The following PLSCR2 variants were observed in gnomAD, a reference collection of about 807,000 sequenced individuals.
PLSCR2 encodes the protein PL scramblase 2.
A neutral mutation model predicts 25.3 loss-of-function variants in PLSCR2; 18 were observed. That is an observed-to-expected ratio of 0.71 (90% confidence interval 0.49 to 1.06). The LOEUF is 1.06. Among genes scored for constraint, PLSCR2 ranks in the 50% least tolerant of loss-of-function variants. The pLI, the probability that PLSCR2 is intolerant of heterozygous loss-of-function variation, is 0.00. For synonymous variants in PLSCR2, 88 were observed against 87.3 expected (o/e 1.01, Z -0.04); for missense variants, 243 against 269.5 (o/e 0.90, Z 0.69).
At chr3:146,455,209 T>C (rs756531824) in intron 4 of PLSCR2, 30 bp downstream of exon 4, 31 of 1,448,206 alleles carry the variant, frequency 2.1e-5, no homozygotes, top group Admixed American at 2.0e-4. Flanking sequence ...TGAACTACTT[T>C]ATGAAAAGCT....
intron 1 of PLSCR2, among the ~76,000 whole-genome samples, chr3:146,477,461 C>T (rs945314810): frequency 6.6e-6 from 1 of 152,240 alleles, no homozygotes; most frequent in Non-Finnish European, 1.5e-5. Flanking sequence ...ACGTCCCACA[C>T]CCATGGAGCC....
chr3:146,416,832 G>C (rs1238929547), intron 2 of PLSCR2, among the ~76,000 whole-genome samples: 1 of 152,112 alleles, frequency 6.6e-6, no homozygotes, highest in South Asian at 2.1e-4. Context: ...GGAATTTTAG[G>C]AGTACAAGTA....
At chr3:146,420,585 A>G (rs1019868025) in intron 2 of PLSCR2, among the ~76,000 whole-genome samples, 1 of 152,068 alleles carries the variant, frequency 6.6e-6, no homozygotes, top group African/African-American at 2.4e-5. Flanking sequence ...TTCTCAAAGA[A>G]TCTCAACTTT....
At chr3:146,471,255 A>C (rs182100064) in intron 1 of PLSCR2, among the ~76,000 whole-genome samples, 1 of 152,300 alleles carries the variant, frequency 6.6e-6, no homozygotes, top group Admixed American at 6.5e-5. Flanking sequence ...AATAAAAAAA[A>C]CATTTTATTC....
intron 5 of PLSCR2, among the ~76,000 whole-genome samples, chr3:146,453,385 A>T (rs1346746779): frequency 2.0e-5 from 3 of 152,146 alleles, no homozygotes; most frequent in Admixed American, 2.0e-4. Flanking sequence ...CAACTAAATG[A>T]TTTGATTATA....
chr3:146,481,553 C>T (rs1344046365), intron 1 of PLSCR2, among the ~76,000 whole-genome samples: 1 of 152,162 alleles, frequency 6.6e-6, no homozygotes, highest in African/African-American at 2.4e-5. Context: ...AGGAGAACTA[C>T]AAACCACTGC....
chr3:146,470,589 CAT>C (rs759087821), intron 1 of PLSCR2, among the ~76,000 whole-genome samples: 28 of 152,050 alleles, frequency 1.8e-4, no homozygotes, highest in Non-Finnish European at 3.7e-4. Flanking sequence ...ACAATAACAC[CAT>C]ATATGGAGAA....
chr3:146,469,223 C>T (rs2042004539), intron 1 of PLSCR2: 1 of 985,608 alleles, frequency 1.0e-6, no homozygotes, highest in Non-Finnish European at 1.2e-6. Flanking sequence ...ACCTGTAAAG[C>T]AGTGTAGCTA....
chr3:146,400,578 A>T (rs1219161936), intron 2 of PLSCR2, among the ~76,000 whole-genome samples: 5 of 149,208 alleles, frequency 3.4e-5, no homozygotes, highest in Admixed American at 1.4e-4. Context: ...CATTGATTAA[A>T]TACCATCAAT....
intron 2 of PLSCR2, among the ~76,000 whole-genome samples, chr3:146,410,306 G>A (rs1483001319): frequency 6.6e-6 from 1 of 152,166 alleles, no homozygotes; most frequent in Non-Finnish European, 1.5e-5. Flanking sequence ...TCCTTACACA[G>A]TGTTCTATTT....
chr3:146,439,526 A>T (rs1443593626), downstream of PLSCR2, among the ~76,000 whole-genome samples: 1 of 151,688 alleles, frequency 6.6e-6, no homozygotes. Flanking sequence ...CATTCATTTG[A>T]TCTTCAATCA....
chr3:146,463,355 C>T (rs908763612), upstream of PLSCR2, among the ~76,000 whole-genome samples: 1 of 151,932 alleles, frequency 6.6e-6, no homozygotes, highest in Non-Finnish European at 1.5e-5. Context: ...TTTTTTTTGT[C>T]CATGTTAGCC....
intron 1 of PLSCR2, among the ~76,000 whole-genome samples, chr3:146,472,446 A>C (rs2042150025): frequency 6.6e-6 from 1 of 152,224 alleles, no homozygotes; most frequent in Non-Finnish European, 1.5e-5. Context: ...TAAACAACAG[A>C]AAGTTATTTC....
chr3:146,458,352 CT>C (rs780275277), intron 3 of PLSCR2, 58 bp downstream of exon 3: 1 of 1,377,878 alleles, frequency 7.3e-7, no homozygotes, highest in Non-Finnish European at 9.8e-7. Context: ...TTTGATGTAT[CT>C]TTATTTGCAT....
downstream of PLSCR2, among the ~76,000 whole-genome samples, chr3:146,440,048 C>A (rs1194282272): frequency 6.6e-6 from 1 of 152,138 alleles, no homozygotes; most frequent in African/African-American, 2.4e-5. Context: ...CACTCCAGAC[C>A]CTGTTTGCCT....
At chr3:146,485,664 G>T (rs920833678) in intron 1 of PLSCR2, among the ~76,000 whole-genome samples, 1 of 151,998 alleles carries the variant, frequency 6.6e-6, no homozygotes, top group Non-Finnish European at 1.5e-5. Context: ...AAACCATACA[G>T]CTATCTGAAG....
At chr3:146,456,473 G>A (rs1445608975) in intron 3 of PLSCR2, among the ~76,000 whole-genome samples, 1 of 151,956 alleles carries the variant, frequency 6.6e-6, no homozygotes, top group Non-Finnish European at 1.5e-5. Flanking sequence ...ATTTAAAATC[G>A]AATATAAAAA....
chr3:146,483,826 G>A (rs367781475), intron 1 of PLSCR2, among the ~76,000 whole-genome samples: 15 of 139,804 alleles, frequency 1.1e-4, no homozygotes, highest in African/African-American at 3.9e-4. Context: ...TCATGAAGAC[G>A]AGAAAGAATC....
chr3:146,483,442 TAC>T (rs1156457550), intron 1 of PLSCR2, among the ~76,000 whole-genome samples: 1 of 64,290 alleles, frequency 1.6e-5, no homozygotes, highest in Non-Finnish European at 3.2e-5. Context: ...TATATATATA[TAC>T]ACATGTATGT....
Sources: allele counts gnomAD v4.1 joint callset (sites outside exome capture counted in the v4.1 genomes callset), GRCh38; gene constraint gnomAD v4.1.1; transcripts MANE v1.5; gene names NCBI Gene and HGNC (gene_info 2026-07-23, HGNC 2026-07-21).